CTNNA3: variants seen among roughly 807,000 people sequenced by gnomAD.
The protein encoded by CTNNA3 is catenin alpha 3.
In CTNNA3, 76 loss-of-function variants were observed where a neutral mutation model predicts 95.7. That is an observed-to-expected ratio of 0.79 (90% confidence interval 0.66 to 0.96). The LOEUF (loss-of-function observed/expected upper bound fraction) is 0.96, where lower values mean the gene tolerates loss of function less well. Ranked by LOEUF, CTNNA3 falls within the 40% of genes least tolerant of loss-of-function variation. The pLI is 0.00. For missense variants in CTNNA3, 1,191 were observed against 1,089.8 expected (o/e 1.09, Z -1.31); for synonymous variants, 431 against 374.4 (o/e 1.15, Z -1.74).
At chr10:67,630,211 T>C (rs149152688) in intron 2 of CTNNA3, among the ~76,000 whole-genome samples, 1 of 152,340 alleles carries the variant, frequency 6.6e-6, no homozygotes, top group Non-Finnish European at 1.5e-5. Context: ...TTATTAAGGC[T>C]GTTCACAAAT....
At chr10:67,223,704 T>C (rs762464606) in intron 5 of CTNNA3, among the ~76,000 whole-genome samples, 3 of 152,220 alleles carry the variant, frequency 2.0e-5, no homozygotes, top group Non-Finnish European at 2.9e-5. Context: ...AAGCTATCAG[T>C]TAATTAATTC....
chr10:67,342,487 TGG>T (rs942022341), intron 5 of CTNNA3, among the ~76,000 whole-genome samples: 7 of 152,190 alleles, frequency 4.6e-5, no homozygotes, highest in Non-Finnish European at 8.8e-5. Flanking sequence ...CCTGTGCTTG[TGG>T]GGTGTTACTC....
At chr10:67,067,280 A>G (rs1432894954) in intron 7 of CTNNA3, among the ~76,000 whole-genome samples, 3 of 140,726 alleles carry the variant, frequency 2.1e-5, no homozygotes, top group Non-Finnish European at 4.6e-5. Flanking sequence ...TTTATGACAA[A>G]TGGAATAATT....
chr10:67,713,320 T>C (rs759220620), intron 1 of CTNNA3, among the ~76,000 whole-genome samples: 35 of 152,288 alleles, frequency 2.3e-4, no homozygotes, highest in Middle Eastern at 3.4e-3. Context: ...ATAGGAATGC[T>C]TTAACACTGT....
chr10:66,308,687 T>C lies in CTNNA3; in HGVS notation c.1733-28066A>G, dbSNP rs894692130. 2.4e-4 allele frequency among the ~76,000 whole-genome samples: 37 copies of C among 152,366 alleles called. 1 individual carries two copies. Among genetic ancestry groups the C allele is most frequent in the Middle Eastern group, 6.8e-3 (2 of 294 alleles). ...AAATCATCACTATTTTTTCATAATA[T>C]ATGAAAACATTTTTATCATGTCTTT... On this transcript the variant is annotated intron_variant, in intron 12 of 17. Transcript: ENST00000433211.
chr10:67,727,464 ATATAT>A (rs942115962), intron 1 of CTNNA3, among the ~76,000 whole-genome samples: 1 of 133,650 alleles, frequency 7.5e-6, no homozygotes, highest in South Asian at 2.2e-4. Context: ...CATATATATC[ATATAT>A]TATATATTTA....
chr10:66,453,335 A>C (rs1420922119), intron 11 of CTNNA3, among the ~76,000 whole-genome samples: 2 of 152,188 alleles, frequency 1.3e-5, no homozygotes, highest in Admixed American at 1.3e-4. Context: ...TTGCAATAAC[A>C]CTGTCTCAGT....
chr10:67,726,163 T>C lies in CTNNA3; in HGVS notation c.-2+37271A>G, dbSNP rs183247928. Among the ~76,000 whole-genome samples, 863 of 100,658 alleles carry C rather than the reference T, an allele frequency of 8.6e-3. 15 individuals carry two copies. Among genetic ancestry groups the C allele is most frequent in the African/African-American group, 0.035 (833 of 24,024 alleles). The allele number at this position is 100,658 out of a possible 152,430, so 66.0% of individuals were successfully genotyped here. On this transcript the variant is annotated intron_variant, in intron 1 of 17. Coordinates refer to the CTNNA3 transcript ENST00000684154. Reference sequence around the variant, plus strand: ...TTATATTATATATTATAATATATAATCTTATATAATAATATATATTATTAT... The same window carrying C: ...TTATATTATATATTATAATATATAACCTTATATAATAATATATATTATTAT...
chr10:67,062,859 T>G (rs1398621930), intron 7 of CTNNA3, among the ~76,000 whole-genome samples: 1 of 152,192 alleles, frequency 6.6e-6, no homozygotes, highest in African/African-American at 2.4e-5. Context: ...GTGTCAGACC[T>G]GAAGTTTGTG....
At chr10:66,582,229 T>C (rs1843213082) in intron 10 of CTNNA3, among the ~76,000 whole-genome samples, 1 of 151,950 alleles carries the variant, frequency 6.6e-6, no homozygotes, top group African/African-American at 2.4e-5. Context: ...TAGATTGCTT[T>C]GGAGTGTATG....
At chr10:66,910,274 A>C (rs546781913) in intron 7 of CTNNA3, among the ~76,000 whole-genome samples, 42 of 152,324 alleles carry the variant, frequency 2.8e-4, no homozygotes, top group African/African-American at 9.4e-4. Flanking sequence ...CTTGGTTAGT[A>C]AGTGCAAGTA....
chr10:67,411,949 A>T (rs146040763), intron 5 of CTNNA3, among the ~76,000 whole-genome samples: 13 of 152,274 alleles, frequency 8.5e-5, no homozygotes, highest in Middle Eastern at 3.4e-3. Flanking sequence ...GTGATAAAAA[A>T]AAATAAATCT....
intron 7 of CTNNA3, among the ~76,000 whole-genome samples, chr10:66,828,804 G>A (rs2132312472): frequency 6.6e-6 from 1 of 152,282 alleles, no homozygotes; most frequent in East Asian, 1.9e-4. Flanking sequence ...TAATTCACAA[G>A]ATTGATTTCT....
At chr10:67,082,218 CCT>C (rs1204318562) in intron 7 of CTNNA3, among the ~76,000 whole-genome samples, 6 of 152,014 alleles carry the variant, frequency 3.9e-5, no homozygotes, top group Admixed American at 2.0e-4. Flanking sequence ...GTTCATTTCC[CCT>C]GTTACATTTA....
At chr10:66,220,422 C>T (rs531030329) in intron 13 of CTNNA3, among the ~76,000 whole-genome samples, 177 of 152,200 alleles carry the variant, frequency 1.2e-3, no homozygotes, top group Non-Finnish European at 2.1e-3. Flanking sequence ...TGCTTCTGGG[C>T]GCCAGCAGGG....
intron 8 of CTNNA3, among the ~76,000 whole-genome samples, chr10:66,773,308 T>G (rs903838536): frequency 2.0e-5 from 3 of 152,164 alleles, no homozygotes; most frequent in South Asian, 2.1e-4. Flanking sequence ...TTTTGACTGT[T>G]TTTTACTTAC....
chr10:66,889,279 G>A (rs191562425), intron 7 of CTNNA3, among the ~76,000 whole-genome samples: 214 of 152,236 alleles, frequency 1.4e-3, no homozygotes, highest in African/African-American at 5.0e-3. Flanking sequence ...AACACTACTC[G>A]GTATGATACT....
At chr10:66,565,921 C>T (rs1842689013) in intron 10 of CTNNA3, among the ~76,000 whole-genome samples, 1 of 152,010 alleles carries the variant, frequency 6.6e-6, no homozygotes, top group Non-Finnish European at 1.5e-5. Context: ...TTGTATCTGA[C>T]ATATTAGCAG....
intron 11 of CTNNA3, among the ~76,000 whole-genome samples, chr10:66,400,313 T>C (rs1168925214): frequency 6.6e-6 from 1 of 152,068 alleles, no homozygotes; most frequent in Non-Finnish European, 1.5e-5. Flanking sequence ...TGTTGGAACA[T>C]GAGATAATTA....
Sources: allele counts gnomAD v4.1 joint callset (sites outside exome capture counted in the v4.1 genomes callset), GRCh38; gene constraint gnomAD v4.1.1; transcripts MANE v1.5; gene names NCBI Gene and HGNC (gene_info 2026-07-23, HGNC 2026-07-21).